The following FMN1 variants were observed in gnomAD, a reference collection of about 807,000 sequenced individuals.
FMN1 encodes formin 1, also known as formin-1.
Under a neutral mutation model 132.4 loss-of-function variants are expected in FMN1, and 110 were observed. The ratio of observed to expected loss-of-function variants is 0.83; its 90% CI spans 0.71 to 0.97. The LOEUF is 0.97. FMN1 is among the 50% of genes least tolerant of loss of function. The pLI, the probability that FMN1 is intolerant of heterozygous loss-of-function variation, is 0.00. For synonymous variants in FMN1, 722 were observed against 651.7 expected (o/e 1.11, Z -1.64); for missense variants, 1,792 against 1,705.3 (o/e 1.05, Z -0.90).
chr15:32,777,848 AATTATATATTATGTATAATATATAATAC>A (rs2056509864), intron 19 of FMN1, among the ~76,000 whole-genome samples: 3 of 9,186 alleles, frequency 3.3e-4, no homozygotes, highest in African/African-American at 9.7e-4. Flanking sequence ...ATAATACATT[AATTATATATTATGTATAATATATAATAC>A]ATTATATATT....
chr15:32,797,293 T>C (rs2057321466), intron 19 of FMN1, among the ~76,000 whole-genome samples: 1 of 152,162 alleles, frequency 6.6e-6, no homozygotes, highest in Admixed American at 6.5e-5. Flanking sequence ...CAAGGACAAA[T>C]ATACTAAGGA....
chr15:33,123,308 A>T (rs1962742105), intron 4 of FMN1, among the ~76,000 whole-genome samples: 1 of 151,946 alleles, frequency 6.6e-6, no homozygotes, highest in Non-Finnish European at 1.5e-5. Context: ...CCTTTGCTCA[A>T]AGGCCTTCCA....
chr15:32,827,298 C>T (rs898757101), intron 17 of FMN1, among the ~76,000 whole-genome samples: 1 of 152,170 alleles, frequency 6.6e-6, no homozygotes, highest in African/African-American at 2.4e-5. Context: ...GCAGCATTAT[C>T]TTGAGCAGAG....
chr15:33,000,182 GCTCACGC>G (rs2034011230), intron 7 of FMN1, among the ~76,000 whole-genome samples: 2 of 152,222 alleles, frequency 1.3e-5, no homozygotes, highest in African/African-American at 4.8e-5. Context: ...GGACGTGATG[GCTCACGC>G]CTGTAATCCC....
intron 17 of FMN1, among the ~76,000 whole-genome samples, chr15:32,848,738 T>C (rs1217046864): frequency 6.6e-6 from 1 of 152,200 alleles, no homozygotes; most frequent in Non-Finnish European, 1.5e-5. Context: ...AAAATTTGTT[T>C]ACTATTTTAA....
chr15:33,042,585 C>T (rs1225879514), intron 6 of FMN1, among the ~76,000 whole-genome samples: 2 of 152,276 alleles, frequency 1.3e-5, no homozygotes, highest in South Asian at 2.1e-4. Context: ...CACAGATCAG[C>T]ATATAAAAGT....
intron 9 of FMN1, among the ~76,000 whole-genome samples, chr15:32,930,698 C>T (rs764806828): frequency 7.3e-5 from 11 of 151,402 alleles, no homozygotes; most frequent in Admixed American, 1.3e-4. Context: ...CCCCTTTGTG[C>T]ATCTGTTATT....
intron 17 of FMN1, among the ~76,000 whole-genome samples, chr15:32,840,351 A>G (rs904949426): frequency 1.1e-4 from 16 of 152,324 alleles, no homozygotes; most frequent in African/African-American, 2.9e-4. Flanking sequence ...AGGAGGAGCC[A>G]TGATATGATA....
intron 17 of FMN1, among the ~76,000 whole-genome samples, chr15:32,839,992 C>A (rs886744279): frequency 6.6e-6 from 1 of 152,186 alleles, no homozygotes; most frequent in Non-Finnish European, 1.5e-5. Context: ...CATTTATTTG[C>A]AGAGCCACAT....
chr15:32,954,202 A>T (rs2061714012), intron 9 of FMN1, among the ~76,000 whole-genome samples: 1 of 152,210 alleles, frequency 6.6e-6, no homozygotes, highest in African/African-American at 2.4e-5. Context: ...TTTGTTTAAA[A>T]ATAACTCTCC....
intron 17 of FMN1, among the ~76,000 whole-genome samples, chr15:32,847,274 GTGTGTGTGTGTGTA>G (rs61255070): frequency 0.19 from 28,229 of 145,474 alleles, 2,704 homozygotes; most frequent in East Asian, 0.34. Context: ...AGATGTAGGG[GTGTGTGTGTGTGTA>G]TGTGTGTGTG....
At chr15:33,022,753 A>G (rs538448175) in intron 6 of FMN1, among the ~76,000 whole-genome samples, 140 of 127,452 alleles carry the variant, frequency 1.1e-3, no homozygotes, top group Non-Finnish European at 1.8e-3. Context: ...AAGTTACTGC[A>G]GAGTAACAGG....
intron 16 of FMN1, among the ~76,000 whole-genome samples, chr15:32,875,300 A>G (rs1278908690): frequency 6.6e-6 from 1 of 152,218 alleles, no homozygotes; most frequent in Non-Finnish European, 1.5e-5. Context: ...CCCTGCCCTT[A>G]TAATATGCCA....
chr15:33,073,700 G>A (rs764782187), intron 5 of FMN1, among the ~76,000 whole-genome samples: 1 of 151,444 alleles, frequency 6.6e-6, no homozygotes, highest in Admixed American at 6.6e-5. Context: ...GGTTGAATGG[G>A]ACCTTAGAAA....
chr15:32,951,496 G>C (rs963289387), intron 9 of FMN1, among the ~76,000 whole-genome samples: 2 of 151,810 alleles, frequency 1.3e-5, no homozygotes, highest in Non-Finnish European at 2.9e-5. Flanking sequence ...ATTGTAACTA[G>C]CAGCCCCTGG....
At chr15:32,993,132 T>TG (rs150185564) in intron 7 of FMN1, among the ~76,000 whole-genome samples, 3,258 of 152,246 alleles carry the variant, frequency 0.021, 88 homozygotes, top group East Asian at 0.14. Flanking sequence ...GAGGCCCCAG[T>TG]GAACATTTCA....
chr15:32,954,213 A>AAT (rs1180184375), intron 9 of FMN1, among the ~76,000 whole-genome samples: 1 of 152,178 alleles, frequency 6.6e-6, no homozygotes, highest in Non-Finnish European at 1.5e-5. Flanking sequence ...ATAACTCTCC[A>AAT]ATATATATAC....
intron 6 of FMN1, among the ~76,000 whole-genome samples, chr15:33,014,652 TG>T (rs2034934924): frequency 6.6e-6 from 1 of 152,146 alleles, no homozygotes; most frequent in East Asian, 1.9e-4. Flanking sequence ...GAAAAAAAAA[TG>T]AAAGAACTTT....
chr15:33,190,617 C>A (rs1966041531), intron 2 of FMN1, among the ~76,000 whole-genome samples: 1 of 152,196 alleles, frequency 6.6e-6, no homozygotes, highest in Non-Finnish European at 1.5e-5. Context: ...ACAACAAGCA[C>A]TGCTGTCTGA....
Sources: gnomAD v4.1 joint callset for allele counts (sites outside exome capture counted in the v4.1 genomes callset) on GRCh38, gnomAD v4.1.1 for gene constraint, MANE v1.5 for transcripts, NCBI Gene and HGNC (gene_info 2026-07-23, HGNC 2026-07-21) for gene names.